CASQ2: variants seen among roughly 807,000 people sequenced by gnomAD.
The protein encoded by CASQ2 is calsequestrin 2, also known as calsequestrin-2.
CASQ2 carries 49 observed loss-of-function variants against 46.5 expected under a neutral mutation model. The ratio of observed to expected loss-of-function variants is 1.05; its 90% confidence interval spans 0.84 to 1.34. The LOEUF (loss-of-function observed/expected upper bound fraction) is 1.34, where lower values mean the gene tolerates loss of function less well. CASQ2 is among the 40% of genes most tolerant of loss of function. The pLI is 0.00. For missense variants in CASQ2, 486 were observed against 481.3 expected, an observed-to-expected ratio of 1.01 and a Z score of -0.09; for synonymous variants, 174 against 168.5, an observed-to-expected ratio of 1.03 and a Z score of -0.25.
chr1:115,727,390 G>A (rs1193166725), intron 5 of CASQ2, among the ~76,000 whole-genome samples: 2 of 152,170 alleles, frequency 1.3e-5, no homozygotes, highest in Non-Finnish European at 2.9e-5. Flanking sequence ...GTTGAGATGC[G>A]AAGTGGGAAA....
intron 1 of CASQ2, among the ~76,000 whole-genome samples, chr1:115,755,576 G>T (rs1409348484): frequency 6.6e-6 from 1 of 152,166 alleles, no homozygotes; most frequent in African/African-American, 2.4e-5. Context: ...ACCTGTTCCT[G>T]CTTGGCTGAA....
intron 1 of CASQ2, 28 bp downstream of exon 1, chr1:115,768,280 G>T: frequency 6.9e-7 from 1 of 1,441,172 alleles, no homozygotes; most frequent in Non-Finnish European, 9.8e-7. Context: ...CTGAGGCAGC[G>T]CAGACAGCAT....
rs1648325687 is a variant in CASQ2, at chr1:115,744,761, G to A, written c.319+67C>T. The A allele has an allele frequency of 8.8e-6, 9 of 1,020,416 alleles. No individual in the cohort carries two copies. In the South Asian group the frequency reaches 1.2e-4, roughly 13 times the overall value. The allele number at this position is 1,020,416 out of a possible 1,614,324, so 63.2% of individuals were successfully genotyped here. On this transcript the variant is annotated intron_variant, in intron 2 of 10. Transcript: ENST00000261448. ...CGCTTATGCAAGAATAATTGCAACT[G>A]TACTTTTCCTTTTGCAAGACACATT...
intron 8 of CASQ2, among the ~76,000 whole-genome samples, chr1:115,716,545 A>C (rs908164977): frequency 6.6e-6 from 1 of 152,170 alleles, no homozygotes; most frequent in East Asian, 1.9e-4. Context: ...TCACACGTGC[A>C]CACACACACA....
intron 2 of CASQ2, among the ~76,000 whole-genome samples, chr1:115,741,374 C>T (rs950908006): frequency 6.6e-6 from 1 of 152,210 alleles, no homozygotes; most frequent in East Asian, 1.9e-4. Flanking sequence ...GTTCTCCCAG[C>T]CTGGAATGAC....
chr1:115,766,194 G>C (rs1449335047), intron 1 of CASQ2, among the ~76,000 whole-genome samples: 2 of 152,184 alleles, frequency 1.3e-5, no homozygotes, highest in Non-Finnish European at 2.9e-5. Flanking sequence ...CTCTGTTTAA[G>C]GAAGACTCTT....
chr1:115,734,846 A>T (rs1479129094), intron 4 of CASQ2, among the ~76,000 whole-genome samples: 1 of 152,240 alleles, frequency 6.6e-6, no homozygotes, highest in Non-Finnish European at 1.5e-5. Flanking sequence ...CCCTGACCAG[A>T]AATGCTTGGA....
intron 6 of CASQ2, 122 bp downstream of exon 6, chr1:115,726,870 T>A (rs899841752): frequency 1.3e-6 from 1 of 747,264 alleles, no homozygotes; most frequent in African/African-American, 1.7e-5. Context: ...ACTACTGAGT[T>A]CTGTACTGCT....
chr1:115,751,089 T>G (rs1341257011), intron 1 of CASQ2, among the ~76,000 whole-genome samples: 1 of 152,360 alleles, frequency 6.6e-6, no homozygotes, highest in South Asian at 2.1e-4. Context: ...CAATATCTAT[T>G]CAATGGGACT....
intron 2 of CASQ2, 125 bp from the exon 3 acceptor site, chr1:115,740,953 A>G: frequency 1.4e-6 from 1 of 706,592 alleles, no homozygotes; most frequent in East Asian, 2.7e-5. Context: ...ACTAGCATTA[A>G]CCAAAGAAGC....
intron 3 of CASQ2, among the ~76,000 whole-genome samples, chr1:115,738,931 T>A (rs1463149588): frequency 6.6e-6 from 1 of 151,170 alleles, no homozygotes; most frequent in Non-Finnish European, 1.5e-5. Flanking sequence ...CTTCTCTGAG[T>A]TCTCGTGTTC....
At chr1:115,756,977 C>G (rs1445491306) in intron 1 of CASQ2, among the ~76,000 whole-genome samples, 1 of 151,928 alleles carries the variant, frequency 6.6e-6, no homozygotes, top group South Asian at 2.1e-4. Context: ...TAAAAAAAAA[C>G]TTATACCTTT....
chr1:115,743,332 C>A (rs1648261683), intron 2 of CASQ2, among the ~76,000 whole-genome samples: 1 of 152,022 alleles, frequency 6.6e-6, no homozygotes, highest in Non-Finnish European at 1.5e-5. Flanking sequence ...CAATCTTGAT[C>A]TCCCTGGCTC....
intron 8 of CASQ2, among the ~76,000 whole-genome samples, chr1:115,711,317 C>T (rs1173740037): frequency 2.0e-5 from 3 of 152,144 alleles, no homozygotes; most frequent in African/African-American, 7.2e-5. Context: ...GGGGCTGGAA[C>T]CACACAGCTT....
At chr1:115,740,594 GT>G in intron 3 of CASQ2, 133 bp downstream of exon 3, 1 of 687,188 alleles carries the variant, frequency 1.5e-6, no homozygotes, top group Admixed American at 2.2e-5. Flanking sequence ...GTGCTCCTTA[GT>G]TTTTTGTGAA....
chr1:115,705,087 T>C, intron 9 of CASQ2, 105 bp downstream of exon 9: 1 of 814,400 alleles, frequency 1.2e-6, no homozygotes, highest in East Asian at 2.4e-5. Context: ...GGACCGCCAC[T>C]GGGTTTCTTC....
intron 9 of CASQ2, among the ~76,000 whole-genome samples, chr1:115,704,447 G>GTACT (rs1557784725): frequency 1.3e-5 from 2 of 152,084 alleles, no homozygotes; most frequent in Non-Finnish European, 2.9e-5. Context: ...TACTTCACAG[G>GTACT]GTTGTTGAGA....
chr1:115,707,885 TGTG>T (rs1312548986), intron 8 of CASQ2, among the ~76,000 whole-genome samples: 1 of 152,124 alleles, frequency 6.6e-6, no homozygotes, highest in African/African-American at 2.4e-5. Flanking sequence ...AAAGTAAACT[TGTG>T]GTGCAAGAGA....
intron 9 of CASQ2, 56 bp downstream of exon 9, chr1:115,705,136 G>A (rs1365624475): frequency 4.8e-5 from 52 of 1,080,338 alleles, no homozygotes; most frequent in South Asian, 1.5e-4. Flanking sequence ...GATGCTGAAC[G>A]CAATCATGAG....
Sources: gnomAD v4.1 joint callset for allele counts (sites outside exome capture counted in the v4.1 genomes callset) on GRCh38, gnomAD v4.1.1 for gene constraint, MANE v1.5 for transcripts, NCBI Gene and HGNC (gene_info 2026-07-23, HGNC 2026-07-21) for gene names.